The following RNF38 variants were observed in gnomAD, a reference collection of about 807,000 sequenced individuals.
The protein encoded by RNF38 is ring finger protein 38.
A neutral mutation model predicts 67.2 loss-of-function variants in RNF38; 15 were observed. The observed-to-expected ratio is 0.22, with a 90% CI of 0.15 to 0.34. The LOEUF (loss-of-function observed/expected upper bound fraction) is 0.34, where lower values mean the gene tolerates loss of function less well. Ranked by LOEUF, RNF38 falls within the 10% of genes least tolerant of loss-of-function variation. The pLI is 1.00. For synonymous variants in RNF38, 220 were observed against 218.8 expected (o/e 1.01, Z -0.05); for missense variants, 524 against 639.9 (o/e 0.82, Z 1.95).
intron 1 of RNF38, among the ~76,000 whole-genome samples, chr9:36,458,226 A>T (rs1327004053): frequency 6.6e-6 from 1 of 152,184 alleles, no homozygotes; most frequent in Non-Finnish European, 1.5e-5. Context: ...TAAATGCACC[A>T]ATCAGCGCTC....
intron 1 of RNF38, among the ~76,000 whole-genome samples, chr9:36,462,487 G>A (rs985359097): frequency 6.6e-6 from 1 of 151,914 alleles, no homozygotes; most frequent in Admixed American, 6.6e-5. Flanking sequence ...CAGAACAAAG[G>A]TCAAAAACAA....
chr9:36,355,121 G>A (rs114694116), intron 6 of RNF38, among the ~76,000 whole-genome samples: 119 of 152,318 alleles, frequency 7.8e-4, no homozygotes, highest in African/African-American at 2.8e-3. Flanking sequence ...CTCTTCTGAT[G>A]AGCCAAACTT....
At chr9:36,452,902 G>A (rs1047828916) in intron 1 of RNF38, among the ~76,000 whole-genome samples, 8 of 152,084 alleles carry the variant, frequency 5.3e-5, no homozygotes, top group South Asian at 2.1e-4. Flanking sequence ...ATTCATCAGC[G>A]GAAGGGCATT....
At chr9:36,369,251 A>AT (rs1384545092) in intron 4 of RNF38, among the ~76,000 whole-genome samples, 3 of 151,772 alleles carry the variant, frequency 2.0e-5, no homozygotes, top group African/African-American at 7.3e-5. Flanking sequence ...CTTTTTTTTA[A>AT]TTTTTTGAGA....
At chr9:36,445,282 TA>T (rs1293039827) in intron 1 of RNF38, among the ~76,000 whole-genome samples, 13 of 152,334 alleles carry the variant, frequency 8.5e-5, no homozygotes, top group Admixed American at 2.6e-4. Context: ...AATTTGAACG[TA>T]GCAGAGAAGT....
chr9:36,458,620 G>C (rs1839649771), intron 1 of RNF38, among the ~76,000 whole-genome samples: 1 of 152,020 alleles, frequency 6.6e-6, no homozygotes. Flanking sequence ...CTTCACTCCT[G>C]AAGTCAGTGA....
intron 1 of RNF38, among the ~76,000 whole-genome samples, chr9:36,467,080 G>A (rs184699115): frequency 2.5e-5 from 3 of 119,946 alleles, no homozygotes; most frequent in African/African-American, 9.7e-5. Context: ...TCAGGAGGCT[G>A]AGGCAGGAGA....
At chr9:36,427,952 C>T (rs1345711092) in intron 1 of RNF38, among the ~76,000 whole-genome samples, 1 of 150,972 alleles carries the variant, frequency 6.6e-6, no homozygotes, top group Non-Finnish European at 1.5e-5. Flanking sequence ...TCAGGTGATC[C>T]GCTCACATTG....
At chr9:36,477,617 CGA>C (rs985517007) in intron 1 of RNF38, among the ~76,000 whole-genome samples, 5 of 151,602 alleles carry the variant, frequency 3.3e-5, no homozygotes, top group African/African-American at 1.2e-4. Flanking sequence ...GTCAGGAGAT[CGA>C]GACCAACCTG....
chr9:36,449,005 AAAAG>A (rs530863234), intron 1 of RNF38, among the ~76,000 whole-genome samples: 97 of 152,082 alleles, frequency 6.4e-4, no homozygotes, highest in South Asian at 6.2e-4. Flanking sequence ...AAAAAATTAA[AAAAG>A]AAAGAAAGAA....
chr9:36,396,622 A>C (rs954131696), intron 1 of RNF38, among the ~76,000 whole-genome samples: 1 of 152,180 alleles, frequency 6.6e-6, no homozygotes. Context: ...AGAACACTGC[A>C]AACAGGAATG....
chr9:36,419,346 CAAAT>C (rs1391742971), intron 2 of RNF38, among the ~76,000 whole-genome samples: 1 of 152,142 alleles, frequency 6.6e-6, no homozygotes, highest in Admixed American at 6.5e-5. Flanking sequence ...TTTTCCAAGA[CAAAT>C]GAATGAAGCC....
At chr9:36,413,788 T>C (rs1182664311) in intron 2 of RNF38, among the ~76,000 whole-genome samples, 2 of 152,204 alleles carry the variant, frequency 1.3e-5, no homozygotes, top group Non-Finnish European at 2.9e-5. Flanking sequence ...TCAAGCCCAT[T>C]GTTTCTTTGT....
chr9:36,343,485 G>A (rs1016554765), intron 10 of RNF38, among the ~76,000 whole-genome samples: 1 of 152,010 alleles, frequency 6.6e-6, no homozygotes. Context: ...TACACAAATG[G>A]CTAGTAGCAC....
intron 1 of RNF38, among the ~76,000 whole-genome samples, chr9:36,395,842 C>A (rs530718231): frequency 6.6e-6 from 1 of 152,262 alleles, no homozygotes; most frequent in African/African-American, 2.4e-5. Context: ...AATTACGGTA[C>A]ACTTGCTTGA....
At chr9:36,476,783 C>A (rs1270949157) in intron 1 of RNF38, among the ~76,000 whole-genome samples, 5 of 152,054 alleles carry the variant, frequency 3.3e-5, no homozygotes, top group African/African-American at 1.2e-4. Context: ...CCACTCTGGC[C>A]TCCCAAAGTC....
intron 1 of RNF38, among the ~76,000 whole-genome samples, chr9:36,479,218 G>T (rs939626881): frequency 6.6e-6 from 1 of 152,122 alleles, no homozygotes; most frequent in African/African-American, 2.4e-5. Flanking sequence ...CTACTTGGTT[G>T]TGCCTAGGGA....
intron 11 of RNF38, among the ~76,000 whole-genome samples, chr9:36,340,248 G>A (rs551403636): frequency 3.3e-5 from 5 of 152,238 alleles, no homozygotes; most frequent in Admixed American, 6.5e-5. Context: ...CAAGGTGCTG[G>A]GATTACAGGC....
At chr9:36,435,552 A>C (rs1390902678) in intron 1 of RNF38, among the ~76,000 whole-genome samples, 2 of 152,122 alleles carry the variant, frequency 1.3e-5, no homozygotes, top group Non-Finnish European at 2.9e-5. Context: ...TGAAAAAACA[A>C]TAGTTAATGA....
Sources: allele counts gnomAD v4.1 joint callset (sites outside exome capture counted in the v4.1 genomes callset), GRCh38; gene constraint gnomAD v4.1.1; transcripts MANE v1.5; gene names NCBI Gene and HGNC (gene_info 2026-07-23, HGNC 2026-07-21).